HOOK3: variants seen among roughly 807,000 people sequenced by gnomAD.
HOOK3 encodes the protein protein Hook homolog 3.
HOOK3 carries 24 observed loss-of-function variants against 116.3 expected under a neutral mutation model. The ratio of observed to expected loss-of-function variants is 0.21; its 90% confidence interval spans 0.15 to 0.29. The LOEUF is 0.29. Among genes scored for constraint, HOOK3 ranks in the 10% least tolerant of loss-of-function variants. HOOK3 has a pLI of 1.00. For synonymous variants in HOOK3, 275 were observed against 283.0 expected (o/e 0.97, Z 0.28); for missense variants, 632 against 830.2 (o/e 0.76, Z 2.93).
intron 8 of HOOK3, among the ~76,000 whole-genome samples, chr8:42,961,123 C>T (rs1277465722): frequency 6.6e-6 from 1 of 152,132 alleles, no homozygotes; most frequent in Non-Finnish European, 1.5e-5. Context: ...CTTGTGAGGA[C>T]ACTACCAAGC....
chr8:42,997,806 G>A, intron 16 of HOOK3, 169 bp downstream of exon 16: 1 of 557,980 alleles, frequency 1.8e-6, no homozygotes, highest in South Asian at 1.9e-5. Context: ...GGACCAGATA[G>A]TACTTTATTG....
intron 4 of HOOK3, among the ~76,000 whole-genome samples, chr8:42,935,906 A>G (rs541164197): frequency 3.6e-4 from 55 of 152,280 alleles, no homozygotes; most frequent in African/African-American, 1.3e-3. Flanking sequence ...AATTTAAAGT[A>G]GTTTTTTCTA....
chr8:42,976,896 TG>T (rs2130438441), intron 13 of HOOK3, among the ~76,000 whole-genome samples: 1 of 152,112 alleles, frequency 6.6e-6, no homozygotes, highest in Admixed American at 6.6e-5. Flanking sequence ...GAAAGAATGG[TG>T]TTTCTTACTG....
chr8:42,987,923 T>C (rs1209210643), intron 15 of HOOK3, among the ~76,000 whole-genome samples: 1 of 152,188 alleles, frequency 6.6e-6, no homozygotes, highest in Non-Finnish European at 1.5e-5. Flanking sequence ...AATAGCTTCA[T>C]AGCTCACCTG....
At position 43,021,532 on chromosome 8, in the gene HOOK3, A is replaced by C. The variant is rs184572713; in HGVS notation, c.*3034A>C. 7.1e-3 allele frequency: 1,233 copies of C among 174,818 alleles called. 17 individuals are homozygous for C. Among genetic ancestry groups the C allele is most frequent in the African/African-American group, 0.027 (1,142 of 41,940 alleles). The allele number at this position is 174,818 out of a possible 1,614,324, so 10.8% of individuals were successfully genotyped here. On this transcript the variant is annotated 3_prime_UTR_variant, in exon 22 of 22. Transcript: ENST00000307602. ...TGGCCAGGCTGGTCTCAAACTCCTG[A>C]CCTCGTGATCTACCCACCTCGGCCT...
chr8:42,939,925 G>A (rs1808071155), intron 4 of HOOK3, among the ~76,000 whole-genome samples: 1 of 151,794 alleles, frequency 6.6e-6, no homozygotes, highest in Admixed American at 6.5e-5. Flanking sequence ...TAGATGGGAT[G>A]GCGGCCGGGA....
chr8:42,967,942 T>G (rs1808661327), intron 10 of HOOK3, 71 bp from the exon 11 acceptor site: 2 of 863,108 alleles, frequency 2.3e-6, no homozygotes, highest in Non-Finnish European at 1.9e-6. Flanking sequence ...CTGGCAATCC[T>G]TCTTAACACT....
At chr8:42,911,394 T>G (rs1205071305) in intron 2 of HOOK3, among the ~76,000 whole-genome samples, 1 of 152,070 alleles carries the variant, frequency 6.6e-6, no homozygotes, top group Admixed American at 6.5e-5. Flanking sequence ...GAGGTTGCAG[T>G]GAGCCGAGAT....
At chr8:42,897,563 C>T (rs1464024666) in intron 1 of HOOK3, among the ~76,000 whole-genome samples, 1 of 152,222 alleles carries the variant, frequency 6.6e-6, no homozygotes, top group Admixed American at 6.5e-5. Flanking sequence ...GGCTCCGGCC[C>T]GGGAACTGAA....
chr8:42,998,112 T>C, intron 16 of HOOK3: 1 of 204,662 alleles, frequency 4.9e-6, no homozygotes. Context: ...TTTTTGCACA[T>C]CCCCCAGCAC....
rs942731801 is a variant in HOOK3 at position 43,020,191 on chromosome 8, T to G, written c.*1693T>G. Reference sequence around the variant, plus strand: ...CCATACATTGTGCTAATTTTTTACATTAAGTACAGAAGTCTGAGCACAGCA... The same window carrying G: ...CCATACATTGTGCTAATTTTTTACAGTAAGTACAGAAGTCTGAGCACAGCA... On this transcript the variant is annotated 3_prime_UTR_variant, in exon 22 of 22. Coordinates refer to ENST00000307602, the MANE Select transcript of HOOK3 (RefSeq NM_032410.4). The G allele has an allele frequency of 5.0e-6, 1 of 199,138 alleles. No homozygotes were observed. The allele number at this position is 199,138 out of a possible 1,614,324, so 12.3% of individuals were successfully genotyped here.
chr8:43,027,402 A>T lies in HOOK3; in HGVS notation c.*8904A>T. The T allele has an allele frequency of 3.2e-6, 1 of 310,906 alleles. No homozygotes were observed. Among genetic ancestry groups the T allele is most frequent in the Non-Finnish European group, 5.8e-6 (1 of 172,884 alleles). The allele number at this position is 310,906 out of a possible 1,614,324, so 19.3% of individuals were successfully genotyped here. ...AGAATAGAGAGATTTGCTTATGAGA[A>T]CATTCTGTCATTTGTTCTGTTTGTA... On this transcript the variant is annotated 3_prime_UTR_variant, in exon 22 of 22. Transcript: ENST00000307602.
intron 2 of HOOK3, among the ~76,000 whole-genome samples, chr8:42,924,328 C>A (rs1807721165): frequency 6.6e-6 from 1 of 151,728 alleles, no homozygotes; most frequent in South Asian, 2.1e-4. Context: ...TCCCTCCCTC[C>A]CTTCCTCCCT....
chr8:42,975,092 G>A (rs1456543500), intron 13 of HOOK3, among the ~76,000 whole-genome samples: 1 of 152,166 alleles, frequency 6.6e-6, no homozygotes. Context: ...GCGGCTACGG[G>A]TGGGGCGCAC....
At chr8:42,901,301 G>A (rs1404632863) in intron 1 of HOOK3, among the ~76,000 whole-genome samples, 1 of 152,194 alleles carries the variant, frequency 6.6e-6, no homozygotes, top group Non-Finnish European at 1.5e-5. Flanking sequence ...ATGCCTTAAT[G>A]CAGTTAAGTG....
chr8:42,973,398 A>G lies in HOOK3; in HGVS notation c.1232A>G (p.Asp411Gly), dbSNP rs1808761287. The change falls in exon 12 of 22, where the codon GAC becomes GGC. Residue 411 changes from aspartate to glycine, a missense_variant and splice_region_variant. Transcript: ENST00000307602. Reference sequence around the variant, plus strand: ...GTTGACAGTCTTCAAAAAGAAAAGGACGTGAGTATATATATTAGGCATTTT... The same window carrying G: ...GTTGACAGTCTTCAAAAAGAAAAGGGCGTGAGTATATATATTAGGCATTTT... Reference protein sequence around the residue: ...EKVDSLQKEKDRLRTERDSLK... With the variant: ...EKVDSLQKEKGRLRTERDSLK... 2.5e-6 allele frequency: 4 copies of G among 1,606,272 alleles called. No individual in the cohort carries two copies. The South Asian group carries it at 3.3e-5, about 13-fold the overall frequency.
chr8:42,969,125 A>G (rs748225421), intron 11 of HOOK3, among the ~76,000 whole-genome samples: 1 of 152,096 alleles, frequency 6.6e-6, no homozygotes, highest in Non-Finnish European at 1.5e-5. Flanking sequence ...TTTTTTTTCT[A>G]TGTTAAAAGA....
At chr8:42,952,745 A>T (rs573649379) in intron 6 of HOOK3, among the ~76,000 whole-genome samples, 3 of 152,320 alleles carry the variant, frequency 2.0e-5, no homozygotes, top group African/African-American at 7.2e-5. Flanking sequence ...CAGGAATGCA[A>T]ACTGGTATAT....
Position 43,027,346 on chromosome 8 carries a change from G to A in HOOK3, c.*8848G>A, listed in dbSNP as rs901422946. On this transcript the variant is annotated 3_prime_UTR_variant, in exon 22 of 22. Transcript: ENST00000307602. ...AAATACTGAAATACTTGTTTATTAT[G>A]TTACATAAATATGGACACAATTACT... The A allele has an allele frequency of 9.1e-6, 3 of 329,448 alleles. No individual in the cohort carries two copies. Among genetic ancestry groups the A allele is most frequent in the Non-Finnish European group, 1.8e-5 (3 of 167,042 alleles). The allele number at this position is 329,448 out of a possible 1,614,324, so 20.4% of individuals were successfully genotyped here.
Sources: gnomAD v4.1 joint callset for allele counts (sites outside exome capture counted in the v4.1 genomes callset) on GRCh38, gnomAD v4.1.1 for gene constraint, MANE v1.5 for transcripts, NCBI Gene and HGNC (gene_info 2026-07-23, HGNC 2026-07-21) for gene names.